DCLK1: variants seen among roughly 807,000 people sequenced by gnomAD.
The protein encoded by DCLK1 is serine/threonine-protein kinase DCLK1.
A neutral mutation model predicts 86.2 loss-of-function variants in DCLK1; 16 were observed. That is an observed-to-expected ratio of 0.19 (90% CI 0.13 to 0.28). The LOEUF (loss-of-function observed/expected upper bound fraction) is 0.28, where lower values mean the gene tolerates loss of function less well. Among genes scored for constraint, DCLK1 ranks in the 10% least tolerant of loss-of-function variants. The probability of loss-of-function intolerance (pLI) is 1.00; values close to 1 mark genes in which losing one functional copy is unlikely to be tolerated. For missense variants in DCLK1, 590 were observed against 940.2 expected (o/e 0.63, Z 4.87); for synonymous variants, 369 against 370.5 (o/e 1.00, Z 0.05).
intron 5 of DCLK1, among the ~76,000 whole-genome samples, chr13:35,870,041 C>A (rs928245777): frequency 1.3e-5 from 2 of 152,174 alleles, no homozygotes; most frequent in East Asian, 3.9e-4. Context: ...ATCCTATCTA[C>A]ATGAGCAGTG....
intron 4 of DCLK1, among the ~76,000 whole-genome samples, chr13:35,922,544 C>G (rs1327847226): frequency 6.6e-6 from 1 of 152,144 alleles, no homozygotes; most frequent in East Asian, 1.9e-4. Context: ...TATCTCTGAA[C>G]AAGAATATTG....
chr13:35,827,774 T>C lies in DCLK1; in HGVS notation c.1288-20A>G. 1.9e-6 allele frequency: 3 copies of C among 1,612,452 alleles called. No individual in the cohort carries two copies. Among genetic ancestry groups the C allele is most frequent in the Non-Finnish European group, 2.5e-6 (3 of 1,179,814 alleles). On this transcript the variant is annotated intron_variant, in intron 9 of 16. Coordinates refer to ENST00000360631, the MANE Select transcript of DCLK1 (RefSeq NM_001330071.2). ...GTGCTCCTGTCCAAAGGAAAAGTTA[T>C]CTTCATCAGCTTCCATAAAACATGT...
At chr13:36,076,603 T>C (rs1196695046) in intron 3 of DCLK1, among the ~76,000 whole-genome samples, 2 of 152,230 alleles carry the variant, frequency 1.3e-5, no homozygotes, top group Non-Finnish European at 2.9e-5. Flanking sequence ...TGGCAGAATA[T>C]AGTAAGACCC....
intron 4 of DCLK1, among the ~76,000 whole-genome samples, chr13:35,894,645 C>T (rs1289948958): frequency 6.6e-6 from 1 of 152,192 alleles, no homozygotes; most frequent in African/African-American, 2.4e-5. Context: ...CCAGAAGGTG[C>T]TCAGCGGAGG....
chr13:35,787,394 A>G (rs559875140), intron 16 of DCLK1, among the ~76,000 whole-genome samples: 14 of 152,032 alleles, frequency 9.2e-5, no homozygotes, highest in Non-Finnish European at 1.9e-4. Flanking sequence ...TTCTCAAACC[A>G]TCAAAAACCA....
chr13:36,045,377 T>TATATATATCTATCTATATATAC (rs568110221), intron 3 of DCLK1, among the ~76,000 whole-genome samples: 1 of 125,080 alleles, frequency 8.0e-6, no homozygotes, highest in African/African-American at 2.9e-5. Context: ...TATATATATA[T>TATATATATCTATCTATATATAC]TTCAAGGTAA....
chr13:35,854,625 A>C (rs778677027), intron 5 of DCLK1, 32 bp from the exon 6 acceptor site: 1 of 1,512,528 alleles, frequency 6.6e-7, no homozygotes, highest in East Asian at 2.4e-5. Flanking sequence ...CACAGAGAAA[A>C]ATGGCACGTT....
intron 16 of DCLK1, among the ~76,000 whole-genome samples, chr13:35,784,664 C>T (rs2086586695): frequency 6.6e-6 from 1 of 152,118 alleles, no homozygotes; most frequent in Non-Finnish European, 1.5e-5. Context: ...AACTGAATCC[C>T]CCAAATTCTG....
At chr13:35,917,810 C>T (rs1458979229) in intron 4 of DCLK1, among the ~76,000 whole-genome samples, 4 of 139,444 alleles carry the variant, frequency 2.9e-5, no homozygotes, top group South Asian at 2.7e-4. Flanking sequence ...TTTCCTGTGG[C>T]GGGGGGCAGG....
chr13:35,949,523 A>G (rs956839702), intron 3 of DCLK1, among the ~76,000 whole-genome samples: 4 of 152,224 alleles, frequency 2.6e-5, no homozygotes, highest in Non-Finnish European at 5.9e-5. Flanking sequence ...GACATTTATG[A>G]TGGGCCTACT....
rs151334872 is a variant in DCLK1 at position 35,784,927 on chromosome 13, C to G, written c.2058+8439G>C. Reference sequence around the variant, plus strand: ...GGGGAACAGTTTTCTCAAACCTGCACGGAGCAAGATGCGTTTAACTGACCC... The same window carrying G: ...GGGGAACAGTTTTCTCAAACCTGCAGGGAGCAAGATGCGTTTAACTGACCC... On this transcript the variant is annotated intron_variant, in intron 16 of 16. Transcript: ENST00000360631. 4.4e-3 allele frequency among the ~76,000 whole-genome samples: 663 copies of G among 152,252 alleles called. 3 individuals are homozygous for G. Among genetic ancestry groups the G allele is most frequent in the Non-Finnish European group, 6.8e-3 (465 of 68,018 alleles).
chr13:36,033,095 G>A (rs1044393458), intron 3 of DCLK1, among the ~76,000 whole-genome samples: 1 of 152,170 alleles, frequency 6.6e-6, no homozygotes, highest in Non-Finnish European at 1.5e-5. Flanking sequence ...GCAAACAGTA[G>A]CTGGAGATTT....
chr13:35,989,685 G>A (rs959432011), intron 3 of DCLK1, among the ~76,000 whole-genome samples: 2 of 149,986 alleles, frequency 1.3e-5, no homozygotes, highest in Admixed American at 1.3e-4. Flanking sequence ...TAGGACTACA[G>A]TGCACCATCA....
At chr13:36,012,362 T>G (rs1160573208) in intron 3 of DCLK1, among the ~76,000 whole-genome samples, 5 of 152,246 alleles carry the variant, frequency 3.3e-5, no homozygotes, top group East Asian at 1.9e-4. Flanking sequence ...GCCACGGCTG[T>G]TACCGGTTGT....
rs60156251 is a variant in DCLK1, at chr13:35,986,300, C to CA, written c.724-38844dup. Among the ~76,000 whole-genome samples the CA allele has an allele frequency of 2.0e-3, 90 of 44,414 alleles. 5 individuals carry two copies. Among genetic ancestry groups the CA allele is most frequent in the African/African-American group, 7.1e-3 (68 of 9,596 alleles). 29.1% of individuals were successfully genotyped at this position (44,414 alleles called of 152,430 possible). ...CTGGGTGACAGAGTGGACTCCGTCT[C>CA]AAAAAAAAAAAAAAAAAAAAAAAAA... On this transcript the variant is annotated intron_variant, in intron 3 of 16. Transcript: ENST00000360631.
chr13:35,806,311 T>A (rs2087026850), intron 14 of DCLK1, among the ~76,000 whole-genome samples: 1 of 152,170 alleles, frequency 6.6e-6, no homozygotes. Context: ...GATCCTTTAG[T>A]AGCTAAAGAA....
chr13:35,781,254 G>A (rs1169007481), intron 16 of DCLK1, among the ~76,000 whole-genome samples: 1 of 152,184 alleles, frequency 6.6e-6, no homozygotes, highest in South Asian at 2.1e-4. Flanking sequence ...GCAGTAGGTG[G>A]AAGTCAGGAG....
intron 16 of DCLK1, among the ~76,000 whole-genome samples, chr13:35,783,434 G>A (rs898858575): frequency 3.9e-5 from 6 of 152,072 alleles, no homozygotes; most frequent in African/African-American, 1.4e-4. Context: ...CTTTTCGTAG[G>A]TGTGGAAAAT....
chr13:35,922,913 G>A (rs1875880321), intron 4 of DCLK1, among the ~76,000 whole-genome samples: 1 of 152,130 alleles, frequency 6.6e-6, no homozygotes, highest in African/African-American at 2.4e-5. Context: ...GCCTGTCTCA[G>A]CGCACCCATC....
Sources: allele counts gnomAD v4.1 joint callset (sites outside exome capture counted in the v4.1 genomes callset), GRCh38; gene constraint gnomAD v4.1.1; transcripts MANE v1.5; gene names NCBI Gene and HGNC (gene_info 2026-07-23, HGNC 2026-07-21).